The following COA1 variants were observed in gnomAD, a reference collection of about 807,000 sequenced individuals.
The protein encoded by COA1 is cytochrome c oxidase assembly factor 1 homolog.
A neutral mutation model predicts 16.0 loss-of-function variants in COA1; 13 were observed. The ratio of observed to expected loss-of-function variants is 0.81; its 90% confidence interval spans 0.53 to 1.29. The LOEUF (loss-of-function observed/expected upper bound fraction) is 1.29, where lower values mean the gene tolerates loss of function less well. COA1 is among the 50% of genes most tolerant of loss of function. COA1 has a pLI of 0.00. For missense variants in COA1, 179 were observed against 177.0 expected (o/e 1.01, Z -0.06); for synonymous variants, 65 against 65.7 (o/e 0.99, Z 0.05).
rs1563229504 is a variant in COA1 at position 43,644,785 on chromosome 7, G to GAGAGA, written c.264+465_264+466insTCTCT. ...AGGCAGGCAGGCAGGCAGGCAGGCAGGCAGGCAGAGAGACAGAGAGAGAGA... is the reference window on the plus strand; with the variant it reads ...AGGCAGGCAGGCAGGCAGGCAGGCAGAGAGAGCAGGCAGAGAGACAGAGAGAGAGA... On this transcript the variant is annotated intron_variant, in intron 4 of 5. Coordinates refer to ENST00000223336, the MANE Select transcript of COA1 (RefSeq NM_018224.4). 9.7e-4 allele frequency among the ~76,000 whole-genome samples: 104 copies of GAGAGA among 107,358 alleles called. 2 individuals carry two copies. Among genetic ancestry groups the GAGAGA allele is most frequent in the African/African-American group, 2.5e-4 (6 of 23,636 alleles). 70.4% of individuals were successfully genotyped at this position (107,358 alleles called of 152,430 possible).
At chr7:43,674,517 A>G (rs2093423365) in intron 1 of COA1, among the ~76,000 whole-genome samples, 1 of 152,268 alleles carries the variant, frequency 6.6e-6, no homozygotes, top group Admixed American at 6.5e-5. Flanking sequence ...ATTTTGAGGA[A>G]GAGTTGGAGA....
At chr7:43,610,967 A>C (rs2082819007) in intron 6 of COA1, among the ~76,000 whole-genome samples, 1 of 152,014 alleles carries the variant, frequency 6.6e-6, no homozygotes, top group Non-Finnish European at 1.5e-5. Context: ...AAATACAAAA[A>C]TTAGCTGGGT....
At chr7:43,635,949 A>T (rs946631373), downstream of COA1, among the ~76,000 whole-genome samples, 5 of 152,172 alleles carry the variant, frequency 3.3e-5, no homozygotes, top group Non-Finnish European at 5.9e-5. Context: ...TTATTTAATA[A>T]TAAAAGGTTT....
At chr7:43,716,324 A>C (rs942399959) in intron 1 of COA1, among the ~76,000 whole-genome samples, 1 of 152,126 alleles carries the variant, frequency 6.6e-6, no homozygotes, top group African/African-American at 2.4e-5. Context: ...TAGTGATATG[A>C]AGAGTAAGGT....
chr7:43,624,665 C>T (rs763752720), intron 6 of COA1: 28 of 1,613,952 alleles, frequency 1.7e-5, no homozygotes, highest in Admixed American at 6.7e-5. Flanking sequence ...ATTCGGATAC[C>T]GACAAATCAG....
intron 4 of COA1, among the ~76,000 whole-genome samples, chr7:43,644,817 G>GAGAGACAGAGAGAGAGAGAC (rs2088706621): frequency 7.9e-6 from 1 of 126,612 alleles, no homozygotes; most frequent in African/African-American, 2.6e-5. Context: ...GAGAGAGAGA[G>GAGAGACAGAGAGAGAGAGAC]AGAGAGAGAG....
chr7:43,688,968 G>A (rs556934804), intron 1 of COA1, among the ~76,000 whole-genome samples: 19 of 152,034 alleles, frequency 1.2e-4, no homozygotes, highest in East Asian at 1.9e-4. Flanking sequence ...TACAAATTAC[G>A]ATTCTATCAC....
intron 1 of COA1, among the ~76,000 whole-genome samples, chr7:43,727,598 C>A (rs1487825380): frequency 6.6e-6 from 1 of 152,110 alleles, no homozygotes; most frequent in Non-Finnish European, 1.5e-5. Flanking sequence ...TAAAAGAAGC[C>A]AGTTGAAAAA....
intron 1 of COA1, among the ~76,000 whole-genome samples, 162 bp downstream of exon 1, chr7:43,729,267 G>T (rs1585678681): frequency 6.6e-6 from 1 of 152,236 alleles, no homozygotes; most frequent in Non-Finnish European, 1.5e-5. Context: ...GCTGCGCAGG[G>T]AGGCCGCGAC....
chr7:43,661,644 A>AAT (rs887514126), intron 1 of COA1, among the ~76,000 whole-genome samples: 21 of 147,318 alleles, frequency 1.4e-4, no homozygotes, highest in Non-Finnish European at 3.1e-5. Flanking sequence ...CTCAAAAAAA[A>AAT]AAAAAAGAGA....
At chr7:43,709,434 T>TTG (rs59823123) in intron 1 of COA1, among the ~76,000 whole-genome samples, 43,168 of 144,788 alleles carry the variant, frequency 0.3, 6,397 homozygotes, top group South Asian at 0.44. Context: ...CTTTGTTTTA[T>TTG]TGTGTGTGTG....
At chr7:43,631,069 A>G (rs552870708) in intron 6 of COA1, 5 of 151,574 alleles carry the variant, frequency 3.3e-5, no homozygotes, top group Non-Finnish European at 7.4e-5. Flanking sequence ...TTTTTTTTAA[A>G]TGTTTCCTTT....
chr7:43,715,337 G>A (rs1033606726), intron 1 of COA1, among the ~76,000 whole-genome samples: 2 of 151,994 alleles, frequency 1.3e-5, no homozygotes, highest in African/African-American at 4.8e-5. Context: ...AAAATGCCAG[G>A]CGTGGTGGCA....
intron 1 of COA1, among the ~76,000 whole-genome samples, chr7:43,699,968 T>G (rs1432050725): frequency 6.6e-6 from 1 of 152,086 alleles, no homozygotes; most frequent in Non-Finnish European, 1.5e-5. Flanking sequence ...TATCATCGCT[T>G]TGTAAGCACT....
chr7:43,685,907 C>A (rs1322691731), intron 1 of COA1, among the ~76,000 whole-genome samples: 1 of 152,050 alleles, frequency 6.6e-6, no homozygotes. Context: ...TGATTATTTG[C>A]TAAAAATAAT....
At chr7:43,728,165 G>C (rs1183188469) in intron 1 of COA1, among the ~76,000 whole-genome samples, 4 of 151,962 alleles carry the variant, frequency 2.6e-5, no homozygotes, top group Non-Finnish European at 2.9e-5. Context: ...TAGTGGAGAC[G>C]GGGTTTCACC....
Position 43,695,669 on chromosome 7 carries a change from A to G in COA1, c.-39+33760T>C, listed in dbSNP as rs574335661. Among the ~76,000 whole-genome samples the G allele has an allele frequency of 5.3e-5, 8 of 152,128 alleles. No individual in the cohort carries two copies. In the South Asian group the frequency reaches 1.7e-3, roughly 31 times the overall value. ...ACAAATTAGAGAAATATGAAAAGTC[A>G]TTACATACCAATCATATGCCAAAAA... On this transcript the variant is annotated intron_variant, in intron 1 of 5. Transcript: ENST00000223336.
chr7:43,726,570 GT>G (rs2095621563), intron 1 of COA1, among the ~76,000 whole-genome samples: 1 of 152,174 alleles, frequency 6.6e-6, no homozygotes, highest in Admixed American at 6.5e-5. Context: ...AAATTATAAA[GT>G]TTTTCCTTGC....
chr7:43,710,375 A>AAAATATATATATATATATAT (rs761592421), intron 1 of COA1, among the ~76,000 whole-genome samples: 2 of 36,434 alleles, frequency 5.5e-5, no homozygotes, highest in Non-Finnish European at 9.4e-5. Context: ...AAAAAAAAAA[A>AAAATATATATATATATATAT]ATATATATAT....
Sources: gnomAD v4.1 joint callset for allele counts (sites outside exome capture counted in the v4.1 genomes callset) on GRCh38, gnomAD v4.1.1 for gene constraint, MANE v1.5 for transcripts, NCBI Gene and HGNC (gene_info 2026-07-23, HGNC 2026-07-21) for gene names.